Variants in PREX2 observed in about 807,000 individuals in gnomAD.
PREX2 encodes phosphatidylinositol-3,4,5-trisphosphate dependent Rac exchange factor 2, also known as phosphatidylinositol 3,4,5-trisphosphate-dependent Rac exchanger 2 protein.
In PREX2, 107 loss-of-function variants were observed where a neutral mutation model predicts 203.2. The ratio of observed to expected loss-of-function variants is 0.53; its 90% CI spans 0.45 to 0.62. The LOEUF (loss-of-function observed/expected upper bound fraction) is 0.62, where lower values mean the gene tolerates loss of function less well. Ranked by LOEUF, PREX2 falls within the 20% of genes least tolerant of loss-of-function variation. The pLI is 0.00. For synonymous variants in PREX2, 672 were observed against 663.6 expected (o/e 1.01, Z -0.19); for missense variants, 1,777 against 1,955.9 (o/e 0.91, Z 1.72).
intron 39 of PREX2, among the ~76,000 whole-genome samples, chr8:68,230,350 T>C (rs541042178): frequency 3.9e-5 from 6 of 152,364 alleles, no homozygotes; most frequent in Non-Finnish European, 8.8e-5. Flanking sequence ...AAAGATGCCA[T>C]GTGGAAATCT....
At position 68,109,513 on chromosome 8, in the gene PREX2, G is replaced by A. The variant is rs181448222; in HGVS notation, c.3036G>A (p.Arg1012=). 26 of 1,613,990 alleles carry A rather than the reference G, an allele frequency of 1.6e-5. No individual in the cohort carries two copies. The East Asian group carries it at 5.3e-4, about 33-fold the overall frequency. The part of the protein sequence containing the change: ...SLGQQDGHGL[R]YLLKEEDLET... ...GACAGCAGGATGGCCATGGTCTCAG[G>A]TATCTGCTAAAAGAAGAAGACTTAG... is the stretch of plus-strand genomic sequence containing the variant. The change falls in exon 25 of 40, where the codon AGG becomes AGA. Residue 1012 remains arginine (R), a synonymous_variant. Transcript: ENST00000288368.
chr8:67,979,433 C>G (rs1806203279), intron 1 of PREX2, among the ~76,000 whole-genome samples: 1 of 152,136 alleles, frequency 6.6e-6, no homozygotes, highest in African/African-American at 2.4e-5. Context: ...AATGAAAAAA[C>G]TGTTCCAAAT....
chr8:68,107,707 A>G (rs1306508072), intron 23 of PREX2, among the ~76,000 whole-genome samples: 2 of 151,934 alleles, frequency 1.3e-5, no homozygotes, highest in East Asian at 1.9e-4. Flanking sequence ...CCTGGCAGCT[A>G]CCCTGTTTTG....
intron 6 of PREX2, 93 bp downstream of exon 6, chr8:68,030,751 T>G: frequency 8.3e-7 from 1 of 1,209,478 alleles, no homozygotes; most frequent in Non-Finnish European, 1.2e-6. Flanking sequence ...CCATAAATGG[T>G]CATTTTCTCA....
chr8:68,048,887 T>G (rs933472533), intron 8 of PREX2, among the ~76,000 whole-genome samples: 6 of 152,012 alleles, frequency 3.9e-5, no homozygotes, highest in African/African-American at 1.4e-4. Context: ...ACTGACTAGA[T>G]AAACCAGTTA....
intron 37 of PREX2, among the ~76,000 whole-genome samples, chr8:68,199,472 TC>T (rs1222661184): frequency 2.0e-5 from 3 of 152,118 alleles, no homozygotes; most frequent in Non-Finnish European, 4.4e-5. Flanking sequence ...TACCGAGCCT[TC>T]TCCCACTAAC....
At chr8:67,955,418 T>C (rs919955742) in intron 1 of PREX2, among the ~76,000 whole-genome samples, 1 of 152,214 alleles carries the variant, frequency 6.6e-6, no homozygotes, top group Admixed American at 6.5e-5. Context: ...AGCTGGCTAC[T>C]CTTTCCATGG....
rs1812312163 is a variant in PREX2, at chr8:68,192,319, C to T, written c.4414-16C>T. The T allele has an allele frequency of 6.4e-7, 1 of 1,566,650 alleles. No homozygotes were observed. Among genetic ancestry groups the T allele is most frequent in the Non-Finnish European group, 8.7e-7 (1 of 1,152,324 alleles). On this transcript the variant is annotated splice_polypyrimidine_tract_variant and intron_variant, in intron 36 of 39. Coordinates refer to ENST00000288368, the MANE Select transcript of PREX2 (RefSeq NM_024870.4). ...TAAACATGTTGAACTTGACGTTCAT[C>T]ACTTTTTTTCTGCAGCTAATGAGGC...
chr8:68,179,837 A>G (rs1274668157), intron 35 of PREX2, among the ~76,000 whole-genome samples: 1 of 152,122 alleles, frequency 6.6e-6, no homozygotes, highest in Non-Finnish European at 1.5e-5. Flanking sequence ...TCATGTTTCT[A>G]TTGTTGAATG....
chr8:68,218,236 T>C (rs1488924463), intron 38 of PREX2, among the ~76,000 whole-genome samples: 2 of 152,158 alleles, frequency 1.3e-5, no homozygotes, highest in African/African-American at 4.8e-5. Flanking sequence ...CTTTGGACTG[T>C]CTTCGGGTCA....
At chr8:68,000,093 A>T (rs955251920) in intron 1 of PREX2, among the ~76,000 whole-genome samples, 1 of 152,142 alleles carries the variant, frequency 6.6e-6, no homozygotes, top group Non-Finnish European at 1.5e-5. Context: ...CCTACTCAAC[A>T]CAGTATTGGA....
chr8:68,004,649 T>C (rs1240014834), intron 1 of PREX2, among the ~76,000 whole-genome samples: 5 of 152,266 alleles, frequency 3.3e-5, no homozygotes, highest in Non-Finnish European at 4.4e-5. Flanking sequence ...TAAAATACTT[T>C]TTAATATTTT....
chr8:68,161,877 A>C (rs945330578), intron 35 of PREX2, among the ~76,000 whole-genome samples: 61 of 152,226 alleles, frequency 4.0e-4, no homozygotes, highest in African/African-American at 1.4e-3. Flanking sequence ...GTAATTATAA[A>C]GGAATGAGGT....
At chr8:68,092,928 A>G (rs551305944) in intron 20 of PREX2, among the ~76,000 whole-genome samples, 4 of 152,304 alleles carry the variant, frequency 2.6e-5, no homozygotes, top group African/African-American at 9.6e-5. Context: ...TGCTGAGATT[A>G]TAAGTGTGAG....
chr8:68,205,170 T>A (rs967232584), intron 37 of PREX2, among the ~76,000 whole-genome samples: 3 of 152,244 alleles, frequency 2.0e-5, no homozygotes, highest in Admixed American at 2.0e-4. Context: ...ACTAAAAACT[T>A]GCCTGAGTAA....
chr8:67,952,238 G>A lies in PREX2; in HGVS notation c.-157G>A. 5 of 562,108 alleles carry A rather than the reference G, an allele frequency of 8.9e-6. No homozygotes were observed. The highest frequency in any genetic ancestry group is 4.6e-5 in the Admixed American group (1 of 21,680). 34.8% of individuals were successfully genotyped at this position (562,108 alleles called of 1,614,324 possible). On this transcript the variant is annotated 5_prime_UTR_variant, in exon 1 of 40. Transcript: ENST00000288368. ...CAGCCCGATCCCCTCCTCTCCCTGC[G>A]CCCAGCCTCTCCCCAGCATGTAAAG...
chr8:67,975,813 C>T (rs1368062474), intron 1 of PREX2, among the ~76,000 whole-genome samples: 2 of 141,740 alleles, frequency 1.4e-5, no homozygotes, highest in African/African-American at 5.2e-5. Context: ...AAGTGATTCT[C>T]CTGCCTCAGC....
intron 1 of PREX2, among the ~76,000 whole-genome samples, chr8:67,969,102 C>G (rs1009850792): frequency 2.0e-5 from 3 of 152,184 alleles, no homozygotes; most frequent in African/African-American, 7.2e-5. Flanking sequence ...ATGCCAGAGC[C>G]TGACCTGGAG....
At chr8:68,103,677 A>G (rs780948379) in intron 23 of PREX2, 11 of 519,364 alleles carry the variant, frequency 2.1e-5, no homozygotes, top group Admixed American at 1.6e-4. Context: ...GCCAAAGTCT[A>G]TTGACTATCC....
Sources: allele counts gnomAD v4.1 joint callset (sites outside exome capture counted in the v4.1 genomes callset), GRCh38; gene constraint gnomAD v4.1.1; transcripts MANE v1.5; gene names NCBI Gene and HGNC (gene_info 2026-07-23, HGNC 2026-07-21).